The following SPATA16 variants were observed in gnomAD, a reference collection of about 807,000 sequenced individuals.
The protein encoded by SPATA16 is spermatogenesis associated 16.
Under a neutral mutation model 63.3 loss-of-function variants are expected in SPATA16, and 36 were observed. The ratio of observed to expected loss-of-function variants is 0.57; its 90% CI spans 0.44 to 0.75. SPATA16 has a LOEUF of 0.75. Among genes scored for constraint, SPATA16 ranks in the 30% least tolerant of loss-of-function variants. The pLI is 0.00. For missense variants in SPATA16, 646 were observed against 679.3 expected, an observed-to-expected ratio of 0.95 and a Z score of 0.54; for synonymous variants, 203 against 216.7, an observed-to-expected ratio of 0.94 and a Z score of 0.56.
At chr3:173,068,128 GTAT>G (rs1736567515) in intron 2 of SPATA16, among the ~76,000 whole-genome samples, 1 of 152,176 alleles carries the variant, frequency 6.6e-6, no homozygotes, top group Non-Finnish European at 1.5e-5. Flanking sequence ...CGAAGTTAAT[GTAT>G]AACAAGAAAT....
intron 4 of SPATA16, among the ~76,000 whole-genome samples, chr3:172,986,944 C>A (rs1734473041): frequency 6.6e-6 from 1 of 152,048 alleles, no homozygotes; most frequent in Non-Finnish European, 1.5e-5. Context: ...TTCTTAAGGA[C>A]AAAGTCAACT....
intron 6 of SPATA16, among the ~76,000 whole-genome samples, chr3:172,944,959 A>G (rs891918790): frequency 4.6e-5 from 7 of 152,226 alleles, no homozygotes; most frequent in Admixed American, 2.0e-4. Context: ...CTGTACACTT[A>G]AAAGTGTTTA....
chr3:173,048,396 T>A (rs1278182165), intron 3 of SPATA16, among the ~76,000 whole-genome samples: 1 of 151,994 alleles, frequency 6.6e-6, no homozygotes, highest in Admixed American at 6.6e-5. Context: ...CACTGGGGAT[T>A]CTAGGAAGTC....
chr3:172,989,713 G>T (rs1199146172), intron 4 of SPATA16, among the ~76,000 whole-genome samples: 1 of 152,154 alleles, frequency 6.6e-6, no homozygotes, highest in African/African-American at 2.4e-5. Flanking sequence ...TCAGTAAGTG[G>T]TAGCTTCCCA....
intron 10 of SPATA16, among the ~76,000 whole-genome samples, chr3:172,906,476 T>C (rs1253963481): frequency 2.0e-5 from 3 of 152,188 alleles, no homozygotes; most frequent in African/African-American, 7.2e-5. Context: ...AAGAACTTTA[T>C]TTTGAGAACT....
Position 172,924,207 on chromosome 3 carries a change from C to T in SPATA16, c.1338+1G>A. The T allele has an allele frequency of 6.2e-7, 1 of 1,605,916 alleles. No individual in the cohort carries two copies. The highest frequency in any genetic ancestry group is 8.5e-7 in the Non-Finnish European group (1 of 1,173,102). On this transcript the variant is annotated splice_donor_variant, in intron 8 of 10. Transcript: ENST00000351008. LOFTEE classifies it high-confidence loss of function. ...CAAATATAAAAGACTCATATACCTA[C>T]ATTCAATTGGGTGCTTCTAATAAAA...
At chr3:172,917,694 A>AT (rs1438960254) in intron 8 of SPATA16, among the ~76,000 whole-genome samples, 1 of 152,198 alleles carries the variant, frequency 6.6e-6, no homozygotes, top group Non-Finnish European at 1.5e-5. Context: ...AGTAAAGACT[A>AT]TTTTGGTTTG....
intron 10 of SPATA16, among the ~76,000 whole-genome samples, chr3:172,891,100 C>T (rs1731886491): frequency 6.6e-6 from 1 of 151,430 alleles, no homozygotes; most frequent in South Asian, 2.1e-4. Flanking sequence ...GGCAGCTTAC[C>T]ATTACTTCAA....
chr3:173,027,424 A>T (rs531172773), intron 3 of SPATA16, among the ~76,000 whole-genome samples: 1 of 151,778 alleles, frequency 6.6e-6, no homozygotes, highest in East Asian at 1.9e-4. Flanking sequence ...GCCCTATTGT[A>T]CTGTTTATCA....
intron 5 of SPATA16, among the ~76,000 whole-genome samples, chr3:172,968,715 T>G (rs546063823): frequency 1.2e-4 from 18 of 152,250 alleles, no homozygotes; most frequent in Non-Finnish European, 2.4e-4. Flanking sequence ...GGTCACTATC[T>G]CCTTCATGGG....
intron 10 of SPATA16, among the ~76,000 whole-genome samples, chr3:172,899,693 G>T (rs1249287274): frequency 6.6e-6 from 1 of 151,864 alleles, no homozygotes; most frequent in Non-Finnish European, 1.5e-5. Context: ...GTTGTTGCTT[G>T]TTTCACTCCC....
intron 4 of SPATA16, among the ~76,000 whole-genome samples, chr3:173,017,365 G>A (rs1035349134): frequency 4.6e-5 from 7 of 152,206 alleles, no homozygotes; most frequent in Non-Finnish European, 1.0e-4. Context: ...GACAAGGGCA[G>A]TGGAATAGTC....
At chr3:173,075,879 A>G (rs1003790222) in intron 2 of SPATA16, among the ~76,000 whole-genome samples, 4 of 152,200 alleles carry the variant, frequency 2.6e-5, no homozygotes, top group Non-Finnish European at 5.9e-5. Flanking sequence ...ACTATAATTA[A>G]TAATACTTTA....
intron 2 of SPATA16, among the ~76,000 whole-genome samples, chr3:173,054,210 T>A (rs1181061161): frequency 6.6e-6 from 1 of 152,060 alleles, no homozygotes; most frequent in Non-Finnish European, 1.5e-5. Flanking sequence ...ACCAACAGGA[T>A]GTAACTGACA....
intron 6 of SPATA16, among the ~76,000 whole-genome samples, chr3:172,948,526 G>A (rs1733350169): frequency 6.6e-6 from 1 of 152,012 alleles, no homozygotes; most frequent in Non-Finnish European, 1.5e-5. Flanking sequence ...GGAGTTCAGT[G>A]CTGTGATCAT....
At chr3:173,048,112 A>G (rs1366833494) in intron 3 of SPATA16, among the ~76,000 whole-genome samples, 1 of 152,130 alleles carries the variant, frequency 6.6e-6, no homozygotes, top group East Asian at 1.9e-4. Flanking sequence ...TTATATGTTC[A>G]TATTGATACT....
chr3:173,072,808 A>T (rs779960646), intron 2 of SPATA16, among the ~76,000 whole-genome samples: 1 of 152,234 alleles, frequency 6.6e-6, no homozygotes, highest in Non-Finnish European at 1.5e-5. Context: ...TGTGGAAGTG[A>T]CTTTAGTACT....
chr3:172,955,053 G>T (rs1056314046), intron 6 of SPATA16, among the ~76,000 whole-genome samples: 1 of 152,094 alleles, frequency 6.6e-6, no homozygotes, highest in East Asian at 1.9e-4. Flanking sequence ...AGCATGAATC[G>T]TCTTGCCAAC....
intron 2 of SPATA16, among the ~76,000 whole-genome samples, chr3:173,070,672 GCAAA>G (rs1411574752): frequency 2.0e-5 from 3 of 152,050 alleles, no homozygotes; most frequent in Non-Finnish European, 1.5e-5. Flanking sequence ...TATGCCAACA[GCAAA>G]CAATCTGAAA....
Sources: gnomAD v4.1 joint callset for allele counts (sites outside exome capture counted in the v4.1 genomes callset) on GRCh38, gnomAD v4.1.1 for gene constraint, MANE v1.5 for transcripts, NCBI Gene and HGNC (gene_info 2026-07-23, HGNC 2026-07-21) for gene names.